The following L3MBTL1 variants were observed in gnomAD, a reference collection of about 807,000 sequenced individuals.
The protein encoded by L3MBTL1 is lethal(3)malignant brain tumor-like protein 1.
L3MBTL1 carries 75 observed loss-of-function variants against 105.3 expected under a neutral mutation model. That is an observed-to-expected ratio of 0.71 (90% CI 0.59 to 0.86). The LOEUF (loss-of-function observed/expected upper bound fraction) is 0.86. Ranked by LOEUF, L3MBTL1 falls within the 40% of genes least tolerant of loss-of-function variation. The probability of loss-of-function intolerance (pLI) is 0.00; values close to 1 mark genes in which losing one functional copy is unlikely to be tolerated. For missense variants in L3MBTL1, 1,069 were observed against 1,126.4 expected (o/e 0.95, Z 0.73); for synonymous variants, 452 against 436.2 (o/e 1.04, Z -0.45).
intron 1 of L3MBTL1, among the ~76,000 whole-genome samples, chr20:43,508,802 G>A (rs974540540): frequency 6.6e-6 from 1 of 152,252 alleles, no homozygotes; most frequent in Non-Finnish European, 1.5e-5. Context: ...AACTGCTGAT[G>A]TAGTCTCAAC....
chr20:43,525,285 G>T (rs1165005078), intron 7 of L3MBTL1, among the ~76,000 whole-genome samples: 5 of 152,152 alleles, frequency 3.3e-5, no homozygotes, highest in Non-Finnish European at 5.9e-5. Flanking sequence ...CAAAGAAAGT[G>T]CTATCCAAGA....
At chr20:43,516,034 C>A in intron 6 of L3MBTL1, 59 bp from the exon 7 acceptor site, 1 of 1,351,838 alleles carries the variant, frequency 7.4e-7, no homozygotes, top group South Asian at 1.2e-5. Flanking sequence ...GGATCAGACC[C>A]TAGGGCTTCA....
At chr20:43,517,116 T>G (rs1282166471) in intron 7 of L3MBTL1, among the ~76,000 whole-genome samples, 1 of 151,086 alleles carries the variant, frequency 6.6e-6, no homozygotes, top group African/African-American at 2.4e-5. Context: ...TTTTTTTCTT[T>G]GAGACGGAGT....
intron 8 of L3MBTL1, 81 bp from the exon 9 acceptor site, chr20:43,529,183 G>A (rs1212470093): frequency 7.6e-6 from 8 of 1,048,378 alleles, no homozygotes; most frequent in African/African-American, 1.6e-5. Context: ...GGGGCCTAAA[G>A]GCAGCTCCTT....
At position 43,514,051 on chromosome 20, in the gene L3MBTL1, G is replaced by C; in HGVS notation, c.350G>C (p.Gly117Ala). 4 of 1,533,980 alleles carry C rather than the reference G, an allele frequency of 2.6e-6. No individual in the cohort carries two copies. The highest frequency in any genetic ancestry group is 3.5e-6 in the Non-Finnish European group (4 of 1,146,258). The change falls in exon 3 of 22, where the codon GGC becomes GCC. Residue 117 changes from glycine to alanine, a missense_variant. By Grantham distance (60) the Gly-to-Ala change is moderately conservative (BLOSUM62 0). Coordinates refer to ENST00000418998, the MANE Select transcript of L3MBTL1 (RefSeq NM_001377303.1). ...GAGGCCGCGGCCCCGCCCCCAGGGG[G>C]CGGCCTGCGGGTCAGTGTCTGTGGG... Reference protein sequence around the residue: ...WTEAAAPPPGGGLRFRISEYK... With the variant: ...WTEAAAPPPGAGLRFRISEYK...
At position 43,514,055 on chromosome 20, in the gene L3MBTL1, C is replaced by T; in HGVS notation, c.354C>T (p.Gly118=). The change falls in exon 3 of 22, where the codon GGC becomes GGT. Residue 118 remains glycine (G), a synonymous_variant. Transcript: ENST00000418998. ...TEAAAPPPGG[G]LRFRISEYKP... ...CCGCGGCCCCGCCCCCAGGGGGCGGCCTGCGGGTCAGTGTCTGTGGGGATT... is the reference window on the plus strand; with the variant it reads ...CCGCGGCCCCGCCCCCAGGGGGCGGTCTGCGGGTCAGTGTCTGTGGGGATT... 1 of 1,532,652 alleles carries T rather than the reference C, an allele frequency of 6.5e-7. No homozygotes were observed. The allele number at this position is 1,532,652 out of a possible 1,614,324, so 94.9% of individuals were successfully genotyped here. A position where few individuals can be genotyped will look rare whatever the true frequency, so the allele number is the denominator to read the frequency against.
At chr20:43,531,425 C>T (rs1345846213) in intron 11 of L3MBTL1, 1 of 153,518 alleles carries the variant, frequency 6.5e-6, no homozygotes, top group Non-Finnish European at 1.5e-5. Flanking sequence ...TTAAAAATAT[C>T]ATACTGGACC....
Position 43,536,219 on chromosome 20 carries a change from C to CT in L3MBTL1, c.2049dup (p.Asp684Ter). On this transcript the variant is annotated frameshift_variant, in exon 18 of 22. Coordinates refer to ENST00000418998, the MANE Select transcript of L3MBTL1 (RefSeq NM_001377303.1). LOFTEE classifies it high-confidence loss of function. ...CAGAGCCGGCTGAAAGCGGAGCTGT[C>CT]TGACTCGGAGGCCTCAGCCCGCAAG... 6.2e-7 allele frequency: 1 copy of CT among 1,612,846 alleles called. No homozygotes were observed. The highest frequency in any genetic ancestry group is 8.5e-7 in the Non-Finnish European group (1 of 1,179,720).
Position 43,536,093 on chromosome 20 carries a change from C to A in L3MBTL1, c.1926-4C>A. The A allele has an allele frequency of 6.2e-7, 1 of 1,612,778 alleles. No individual in the cohort carries two copies. The highest frequency in any genetic ancestry group is 8.5e-7 in the Non-Finnish European group (1 of 1,179,982). ...AAACCCAACTGAAGTCTCTTCTTCC[C>A]CAGGAAGTGCCCCACTCCTGGTTGC... On this transcript the variant is annotated splice_polypyrimidine_tract_variant and splice_region_variant and intron_variant, in intron 17 of 21. Transcript: ENST00000418998.
In L3MBTL1 at chr20:43,530,492, C is replaced by T. The variant is rs554858828; in HGVS notation, c.1192+73C>T. The T allele has an allele frequency of 9.4e-5, 141 of 1,500,966 alleles. 1 individual carries two copies. In the East Asian group the frequency reaches 2.1e-3, roughly 22 times the overall value. The allele number at this position is 1,500,966 out of a possible 1,614,324, so 93.0% of individuals were successfully genotyped here. On this transcript the variant is annotated intron_variant, in intron 10 of 21. Coordinates refer to ENST00000418998, the MANE Select transcript of L3MBTL1 (RefSeq NM_001377303.1). Reference sequence around the variant, plus strand: ...CCTTCGCTTCTTCCCCTTGGGTCCCCGGCTTCCAGCTCTTTTGTTTTCTGA... The same window carrying T: ...CCTTCGCTTCTTCCCCTTGGGTCCCTGGCTTCCAGCTCTTTTGTTTTCTGA...
chr20:43,527,876 C>T (rs566447479), intron 7 of L3MBTL1, among the ~76,000 whole-genome samples: 8 of 152,066 alleles, frequency 5.3e-5, no homozygotes, highest in East Asian at 1.9e-4. Context: ...TGTGCCACCA[C>T]GCCTGGATAA....
intron 16 of L3MBTL1, among the ~76,000 whole-genome samples, chr20:43,535,334 G>T (rs770029535): frequency 3.4e-4 from 52 of 152,286 alleles, no homozygotes; most frequent in Non-Finnish European, 5.9e-4. Flanking sequence ...TAGAGTTCAG[G>T]TCACTGGGCT....
rs2019632753 is a variant in L3MBTL1 at position 43,536,458 on chromosome 20, A to G, written c.2173A>G (p.Thr725Ala). The G allele has an allele frequency of 6.2e-7, 1 of 1,613,828 alleles. No individual in the cohort carries two copies. The highest frequency in any genetic ancestry group is 1.3e-5 in the African/African-American group (1 of 74,940). ...AAAGATTCCGCAGGAAGATTTCCAG[A>G]GTAAGTCTGGGTTATCTGCTCCTAT... is the stretch of plus-strand genomic sequence containing the variant. ...YRKIPQEDFQTLTPDVVHQSL... is the reference protein window; with the variant it reads ...YRKIPQEDFQALTPDVVHQSL... Residue 725 changes from threonine (T) to alanine (A), a missense_variant and splice_region_variant, in exon 19 of 22, where the codon ACC becomes GCC. Thr to Ala is a moderately conservative substitution (Grantham distance 58, BLOSUM62 0). Transcript: ENST00000418998.
At chr20:43,521,420 A>T (rs1402662296) in intron 7 of L3MBTL1, among the ~76,000 whole-genome samples, 1 of 152,188 alleles carries the variant, frequency 6.6e-6, no homozygotes, top group Non-Finnish European at 1.5e-5. Context: ...AGAAGATGGG[A>T]GGGAAGTACT....
At chr20:43,529,064 A>C in intron 8 of L3MBTL1, 200 bp from the exon 9 acceptor site, 1 of 605,300 alleles carries the variant, frequency 1.7e-6, no homozygotes, top group Non-Finnish European at 2.9e-6. Flanking sequence ...TCCAGCCCTG[A>C]CTCACCCACA....
In L3MBTL1 at chr20:43,516,119, A is replaced by G; in HGVS notation, c.804A>G (p.Pro268=). ...AMEKQEEGKD[P]EGQPTASTPE... ...AGAAGCAAGAAGAAGGAAAGGACCC[A>G]GAGGGACAACCCACTGCTAGCACCC... The change falls in exon 7 of 22, where the codon CCA becomes CCG. Residue 268 remains proline, a synonymous_variant. Transcript: ENST00000418998. The G allele has an allele frequency of 1.2e-6, 2 of 1,614,104 alleles. No homozygotes were observed. The highest frequency in any genetic ancestry group is 1.7e-6 in the Non-Finnish European group (2 of 1,179,968).
At chr20:43,527,252 AG>A (rs2019080293) in intron 7 of L3MBTL1, among the ~76,000 whole-genome samples, 1 of 152,250 alleles carries the variant, frequency 6.6e-6, no homozygotes, top group South Asian at 2.1e-4. Flanking sequence ...ATAGAGGTGT[AG>A]AAGTTTCTAG....
intron 7 of L3MBTL1, among the ~76,000 whole-genome samples, chr20:43,519,748 C>T (rs1203311146): frequency 6.6e-6 from 1 of 152,184 alleles, no homozygotes; most frequent in Non-Finnish European, 1.5e-5. Flanking sequence ...TCAAGGGATC[C>T]TTCTACTTAA....
At position 43,524,566 on chromosome 20, in the gene L3MBTL1, A is replaced by T. The variant is rs571609606; in HGVS notation, c.863-4091A>T. ...CAGAACAAACTCTGCCTGCTGGAGT[A>T]TAGAAAGGTTCCATGGGGTAGATGG... On this transcript the variant is annotated intron_variant, in intron 7 of 21. Transcript: ENST00000418998. 3.3e-4 allele frequency among the ~76,000 whole-genome samples: 50 copies of T among 152,348 alleles called. No individual in the cohort carries two copies. In the South Asian group the frequency reaches 4.1e-3, roughly 13 times the overall value.
Sources: gnomAD v4.1 joint callset for allele counts (sites outside exome capture counted in the v4.1 genomes callset) on GRCh38, gnomAD v4.1.1 for gene constraint, MANE v1.5 for transcripts, NCBI Gene and HGNC (gene_info 2026-07-23, HGNC 2026-07-21) for gene names.